Variants in ZNF141 observed in about 807,000 individuals in gnomAD.
The protein encoded by ZNF141 is zinc finger protein 141.
ZNF141 carries 7 observed loss-of-function variants against 11.3 expected under a neutral mutation model. The observed-to-expected ratio is 0.62, with a 90% CI of 0.35 to 1.16. ZNF141 has a LOEUF of 1.16. Among genes scored for constraint, ZNF141 ranks in the 50% most tolerant of loss-of-function variants. The pLI, the probability that ZNF141 is intolerant of heterozygous loss-of-function variation, is 0.02. For synonymous variants in ZNF141, 183 were observed against 190.7 expected, an observed-to-expected ratio of 0.96 and a Z score of 0.33; for missense variants, 535 against 554.0, an observed-to-expected ratio of 0.97 and a Z score of 0.34.
intron 3 of ZNF141, among the ~76,000 whole-genome samples, chr4:351,523 C>T (rs534208011): frequency 4.6e-5 from 7 of 152,094 alleles, no homozygotes; most frequent in Non-Finnish European, 8.8e-5. Context: ...CATGCCTGGC[C>T]GGAGAAACAT....
chr4:376,808 C>G lies in ZNF141; in HGVS notation c.*2946C>G, dbSNP rs899446849. On this transcript the variant is annotated 3_prime_UTR_variant, in exon 4 of 4. Coordinates refer to ENST00000240499, the MANE Select transcript of ZNF141 (RefSeq NM_003441.4). ...GGATAATTTACTGGAAATCTAGAAG[C>G]CTGAAACATTCTATATTTTCTTCTT... Among the ~76,000 whole-genome samples the G allele has an allele frequency of 6.6e-6, 1 of 151,980 alleles. No homozygotes were observed. Among genetic ancestry groups the G allele is most frequent in the African/African-American group, 2.4e-5 (1 of 41,412 alleles).
At position 372,636 on chromosome 4, in the gene ZNF141, GATAATTTGTA is replaced by G. The variant is rs782097498; in HGVS notation, c.227-25_227-16del. 1.1e-5 allele frequency: 16 copies of G among 1,460,622 alleles called. No homozygotes were observed. In the African/African-American group the frequency reaches 2.0e-4, roughly 18 times the overall value. 90.5% of individuals were successfully genotyped at this position (1,460,622 alleles called of 1,614,324 possible). ...ATATTTATATGAATCTACTAAGTGG[GATAATTTGTA>G]ATTTTTATTTCTTTCAGCTATGTGT... On this transcript the variant is annotated intron_variant, in intron 3 of 3. Coordinates refer to ENST00000240499, the MANE Select transcript of ZNF141 (RefSeq NM_003441.4).
intron 3 of ZNF141, among the ~76,000 whole-genome samples, chr4:364,404 C>T (rs1195651832): frequency 6.6e-6 from 1 of 152,128 alleles, no homozygotes; most frequent in Non-Finnish European, 1.5e-5. Flanking sequence ...TCTGTTTCTT[C>T]CTGCTTTAGT....
chr4:346,965 G>T (rs916055559), intron 3 of ZNF141, among the ~76,000 whole-genome samples: 2 of 148,754 alleles, frequency 1.3e-5, no homozygotes, highest in Non-Finnish European at 2.9e-5. Context: ...GTTCTTTGAG[G>T]TACTAATTTT....
chr4:359,272 A>G (rs1483590645), intron 3 of ZNF141, among the ~76,000 whole-genome samples: 1 of 152,022 alleles, frequency 6.6e-6, no homozygotes, highest in East Asian at 1.9e-4. Flanking sequence ...TTTCTTTAAG[A>G]TCTTGATCAA....
intron 3 of ZNF141, among the ~76,000 whole-genome samples, chr4:360,808 A>T (rs1323014986): frequency 2.0e-5 from 3 of 152,200 alleles, no homozygotes; most frequent in South Asian, 2.1e-4. Context: ...GGCAAATTTT[A>T]AAAAATATAT....
In ZNF141 at chr4:380,892, G is replaced by A. The variant is rs191784313; in HGVS notation, c.*7030G>A. Reference sequence around the variant, plus strand: ...AAAATTGTTAAATGTTGTCATATATGTGTGTGCAAAACGTATAAAATATAC... The same window carrying A: ...AAAATTGTTAAATGTTGTCATATATATGTGTGCAAAACGTATAAAATATAC... On this transcript the variant is annotated 3_prime_UTR_variant, in exon 4 of 4. Transcript: ENST00000240499. 6.6e-6 allele frequency among the ~76,000 whole-genome samples: 1 copy of A among 152,174 alleles called. No individual in the cohort carries two copies. The highest frequency in any genetic ancestry group is 2.4e-5 in the African/African-American group (1 of 41,496).
Position 373,388 on chromosome 4 carries a change from C to T in ZNF141, c.951C>T (p.Gly317=), listed in dbSNP as rs1553853954. Residue 317 remains glycine, a synonymous_variant, in exon 4 of 4, where the codon GGC becomes GGT. Coordinates refer to ENST00000240499, the MANE Select transcript of ZNF141 (RefSeq NM_003441.4). Reference sequence around the variant, plus strand: ...AACCCTACAAATGTGAAGAATGTGGCAAAGCCTTTAATAGGTCCACAACCC... The same window carrying T: ...AACCCTACAAATGTGAAGAATGTGGTAAAGCCTTTAATAGGTCCACAACCC... ...GEKPYKCEEC[G]KAFNRSTTLT... is the part of the protein sequence containing the mutation. The T allele has an allele frequency of 6.2e-7, 1 of 1,614,062 alleles. No individual in the cohort carries two copies. The highest frequency in any genetic ancestry group is 2.2e-5 in the East Asian group (1 of 44,866).
At position 381,976 on chromosome 4, in the gene ZNF141, C is replaced by G. The variant is rs1712643733; in HGVS notation, c.*8114C>G. Among the ~76,000 whole-genome samples the G allele has an allele frequency of 9.8e-6, 1 of 102,526 alleles. No homozygotes were observed. The highest frequency in any genetic ancestry group is 1.9e-5 in the Non-Finnish European group (1 of 53,362). 67.3% of individuals were successfully genotyped at this position (102,526 alleles called of 152,430 possible). On this transcript the variant is annotated 3_prime_UTR_variant, in exon 4 of 4. Transcript: ENST00000240499. ...TTTTTTTTTTTTTTTGAGACGGAGT[C>G]TCACTCTCGCCCAGGCTGGAGTGCA...
intron 3 of ZNF141, among the ~76,000 whole-genome samples, chr4:357,792 C>T (rs1480553936): frequency 6.7e-6 from 1 of 149,986 alleles, no homozygotes; most frequent in East Asian, 2.0e-4. Context: ...CTGCAGCTTG[C>T]GCCTCCCGGA....
At chr4:338,191 C>G (rs782251475) in intron 1 of ZNF141, 5 of 569,312 alleles carry the variant, frequency 8.8e-6, no homozygotes, top group East Asian at 3.5e-5. Flanking sequence ...TTGTGCAGCT[C>G]TGCGCCCGCA....
At chr4:357,148 G>A (rs374925775) in intron 3 of ZNF141, among the ~76,000 whole-genome samples, 3 of 152,014 alleles carry the variant, frequency 2.0e-5, no homozygotes, top group African/African-American at 4.8e-5. Context: ...TTGTAGAGAC[G>A]GGGTTTTGCC....
intron 3 of ZNF141, among the ~76,000 whole-genome samples, chr4:359,123 A>G (rs782549497): frequency 6.6e-6 from 1 of 152,010 alleles, no homozygotes; most frequent in Non-Finnish European, 1.5e-5. Context: ...GGCTGATGAG[A>G]TTTTCACTAG....
chr4:341,935 C>G (rs1721069873), intron 1 of ZNF141, among the ~76,000 whole-genome samples: 1 of 152,194 alleles, frequency 6.6e-6, no homozygotes, highest in Non-Finnish European at 1.5e-5. Flanking sequence ...TTCTCTATCC[C>G]TGCAGTTTCA....
In ZNF141 at chr4:380,890, A is replaced by G. The variant is rs554859210; in HGVS notation, c.*7028A>G. ...CAAAAATTGTTAAATGTTGTCATAT[A>G]TGTGTGTGCAAAACGTATAAAATAT... On this transcript the variant is annotated 3_prime_UTR_variant, in exon 4 of 4. Coordinates refer to ENST00000240499, the MANE Select transcript of ZNF141 (RefSeq NM_003441.4). Among the ~76,000 whole-genome samples, 41 of 152,282 alleles carry G rather than the reference A, an allele frequency of 2.7e-4. No individual in the cohort carries two copies. In the South Asian group the frequency reaches 4.3e-3, roughly 16 times the overall value.
intron 3 of ZNF141, among the ~76,000 whole-genome samples, chr4:353,378 A>T (rs1721694855): frequency 6.6e-6 from 1 of 151,814 alleles, no homozygotes; most frequent in Non-Finnish European, 1.5e-5. Context: ...CTGTCTAAAA[A>T]AAAAAAAAAT....
intron 3 of ZNF141, among the ~76,000 whole-genome samples, chr4:357,090 G>A (rs928278227): frequency 6.6e-6 from 1 of 152,050 alleles, no homozygotes. Flanking sequence ...TGAGTAGCTG[G>A]AACTACAAGC....
intron 3 of ZNF141, among the ~76,000 whole-genome samples, chr4:345,508 CAT>C (rs1560181958): frequency 9.9e-5 from 15 of 152,040 alleles, no homozygotes; most frequent in African/African-American, 3.4e-4. Context: ...GAGCTCGGAT[CAT>C]CTGAGATCGG....
rs1177938009 is a variant in ZNF141 at position 377,976 on chromosome 4, C to A, written c.*4114C>A. 1 of 152,034 alleles carries A rather than the reference C, an allele frequency of 6.6e-6. No individual in the cohort carries two copies. Among genetic ancestry groups the A allele is most frequent in the African/African-American group, 2.4e-5 (1 of 41,412 alleles). The allele number at this position is 152,034 out of a possible 1,614,324, so 9.4% of individuals were successfully genotyped here. A position where few individuals can be genotyped will look rare whatever the true frequency, so the allele number is the denominator to read the frequency against. On this transcript the variant is annotated 3_prime_UTR_variant, in exon 4 of 4. Coordinates refer to ENST00000240499, the MANE Select transcript of ZNF141 (RefSeq NM_003441.4). ...AGTCAAGAGAGCAAGATCATCCTGG[C>A]AAACATGGTGAAACCCCATCTCTAC... is the stretch of plus-strand genomic sequence containing the variant.
Sources: gnomAD v4.1 joint callset for allele counts (sites outside exome capture counted in the v4.1 genomes callset) on GRCh38, gnomAD v4.1.1 for gene constraint, MANE v1.5 for transcripts, NCBI Gene and HGNC (gene_info 2026-07-23, HGNC 2026-07-21) for gene names.